CCSER1: variants seen among roughly 807,000 people sequenced by gnomAD.
CCSER1 encodes the protein coiled-coil serine rich protein 1.
CCSER1 carries 41 observed loss-of-function variants against 82.0 expected under a neutral mutation model. The ratio of observed to expected loss-of-function variants is 0.50; its 90% confidence interval spans 0.39 to 0.65. The LOEUF (loss-of-function observed/expected upper bound fraction) is 0.65. Among genes scored for constraint, CCSER1 ranks in the 30% least tolerant of loss-of-function variants. The pLI is 0.00. For missense variants in CCSER1, 1,119 were observed against 1,064.2 expected, an observed-to-expected ratio of 1.05 and a Z score of -0.72; for synonymous variants, 414 against 383.9, an observed-to-expected ratio of 1.08 and a Z score of -0.92.
intron 10 of CCSER1, among the ~76,000 whole-genome samples, chr4:91,564,706 T>G (rs1762801750): frequency 6.6e-6 from 1 of 152,060 alleles, no homozygotes; most frequent in Non-Finnish European, 1.5e-5. Flanking sequence ...AAGTGTTTGT[T>G]CATTTTCCCA....
chr4:91,333,710 A>G (rs1177493198), intron 10 of CCSER1, among the ~76,000 whole-genome samples: 1 of 152,110 alleles, frequency 6.6e-6, no homozygotes, highest in Non-Finnish European at 1.5e-5. Flanking sequence ...ATAATTAAAA[A>G]ATACAGTCTG....
chr4:90,931,748 G>T (rs1729848227), intron 9 of CCSER1, among the ~76,000 whole-genome samples: 1 of 152,120 alleles, frequency 6.6e-6, no homozygotes, highest in African/African-American at 2.4e-5. Flanking sequence ...CACAAAAAGG[G>T]ATAATATGTA....
intron 9 of CCSER1, among the ~76,000 whole-genome samples, chr4:90,949,485 A>G (rs1323958577): frequency 6.6e-6 from 1 of 152,070 alleles, no homozygotes; most frequent in Non-Finnish European, 1.5e-5. Context: ...TTTTGTTGTC[A>G]CTACAGTGAG....
chr4:90,553,271 A>T (rs571498847), intron 5 of CCSER1, among the ~76,000 whole-genome samples: 1 of 152,316 alleles, frequency 6.6e-6, no homozygotes, highest in South Asian at 2.1e-4. Context: ...CCTGGCCAAC[A>T]CTTTTTTTCA....
At chr4:90,911,718 TC>T (rs762474599) in intron 8 of CCSER1, among the ~76,000 whole-genome samples, 9 of 152,122 alleles carry the variant, frequency 5.9e-5, no homozygotes, top group Admixed American at 1.3e-4. Flanking sequence ...GTCTGGGAAT[TC>T]CCTTTCCTAC....
chr4:90,841,983 A>G (rs1379789206), intron 8 of CCSER1, among the ~76,000 whole-genome samples: 6 of 152,022 alleles, frequency 3.9e-5, no homozygotes, highest in East Asian at 1.9e-4. Context: ...CTGTCTTTTC[A>G]TATTTCCCTT....
intron 6 of CCSER1, among the ~76,000 whole-genome samples, chr4:90,672,273 T>C (rs1732937412): frequency 6.6e-6 from 1 of 152,180 alleles, no homozygotes; most frequent in East Asian, 1.9e-4. Flanking sequence ...CCTTTATCAA[T>C]TATCTTAGCT....
At chr4:91,104,742 C>T (rs1421322304) in intron 10 of CCSER1, among the ~76,000 whole-genome samples, 1 of 152,140 alleles carries the variant, frequency 6.6e-6, no homozygotes, top group East Asian at 1.9e-4. Context: ...TTAGTTTCTC[C>T]TCAAGCCTCC....
chr4:90,127,805 C>T lies in CCSER1; in HGVS notation c.-68C>T, dbSNP rs1175303624. The T allele has an allele frequency of 1.3e-5, 2 of 152,452 alleles. No homozygotes were observed. Among genetic ancestry groups the T allele is most frequent in the Admixed American group, 6.5e-5 (1 of 15,312 alleles). 9.4% of individuals were successfully genotyped at this position (152,452 alleles called of 1,614,324 possible). A position where few individuals can be genotyped will look rare whatever the true frequency, so the allele number is the denominator to read the frequency against. On this transcript the variant is annotated 5_prime_UTR_variant, in exon 1 of 11. Coordinates refer to ENST00000509176, the MANE Select transcript of CCSER1 (RefSeq NM_001145065.2). ...TAAATCCCTGAGTGCCCGGGAGGAGCCTTAACAAGCGCACGGAGCCCTCAA... is the reference window on the plus strand; with the variant it reads ...TAAATCCCTGAGTGCCCGGGAGGAGTCTTAACAAGCGCACGGAGCCCTCAA...
chr4:90,161,405 A>T (rs1473647554), intron 1 of CCSER1, among the ~76,000 whole-genome samples: 3 of 152,168 alleles, frequency 2.0e-5, no homozygotes, highest in African/African-American at 7.2e-5. Context: ...CATGTTGCAG[A>T]TGACGAAAAT....
intron 9 of CCSER1, among the ~76,000 whole-genome samples, chr4:91,053,893 G>C (rs1441668054): frequency 6.6e-6 from 1 of 152,192 alleles, no homozygotes; most frequent in Non-Finnish European, 1.5e-5. Context: ...TGGATGTGTA[G>C]TTTCTTGCAG....
Position 90,669,305 on chromosome 4 carries a change from A to G in CCSER1, c.1932+41073A>G, listed in dbSNP as rs1296712903. On this transcript the variant is annotated intron_variant, in intron 6 of 10. Transcript: ENST00000509176. ...AACTTATTAAAATATATGGTCTCAT[A>G]TTAATCTAAAATCTAGAGCTATGAG... Among the ~76,000 whole-genome samples, 3 of 152,178 alleles carry G rather than the reference A, an allele frequency of 2.0e-5. No individual in the cohort carries two copies. The East Asian group carries it at 5.8e-4, about 29-fold the overall frequency.
At chr4:91,003,762 TAA>T (rs907166201) in intron 9 of CCSER1, among the ~76,000 whole-genome samples, 1 of 151,888 alleles carries the variant, frequency 6.6e-6, no homozygotes, top group Non-Finnish European at 1.5e-5. Flanking sequence ...TTGAAATTGT[TAA>T]AAAAAAGTTC....
At chr4:91,259,970 A>G (rs935684136) in intron 10 of CCSER1, among the ~76,000 whole-genome samples, 5 of 152,194 alleles carry the variant, frequency 3.3e-5, no homozygotes, top group African/African-American at 4.8e-5. Flanking sequence ...AATCTGTTGC[A>G]ATAAGATTAA....
intron 10 of CCSER1, among the ~76,000 whole-genome samples, chr4:91,248,271 A>G (rs1161879122): frequency 6.6e-6 from 1 of 152,260 alleles, no homozygotes; most frequent in Non-Finnish European, 1.5e-5. Context: ...TTAGGTATTT[A>G]TCCCTCAAGG....
intron 9 of CCSER1, among the ~76,000 whole-genome samples, chr4:91,020,515 A>G (rs1326311747): frequency 6.6e-6 from 1 of 152,096 alleles, no homozygotes; most frequent in African/African-American, 2.4e-5. Context: ...ACAAAAAATT[A>G]GCCGGGTGTG....
At chr4:90,618,820 A>G (rs1721775014) in intron 5 of CCSER1, among the ~76,000 whole-genome samples, 1 of 151,946 alleles carries the variant, frequency 6.6e-6, no homozygotes. Flanking sequence ...AAATCACTTT[A>G]GACCTGGAGT....
intron 10 of CCSER1, among the ~76,000 whole-genome samples, chr4:91,160,212 A>G (rs570927537): frequency 3.3e-5 from 5 of 152,304 alleles, no homozygotes; most frequent in South Asian, 2.1e-4. Flanking sequence ...ATGTCCCTAC[A>G]AAGGACATGA....
At position 90,366,451 on chromosome 4, in the gene CCSER1, A is replaced by T. The variant is rs191163215; in HGVS notation, c.1510-33585A>T. Among the ~76,000 whole-genome samples the T allele has an allele frequency of 2.4e-4, 37 of 151,968 alleles. 1 individual carries two copies. The highest frequency in any genetic ancestry group is 2.3e-3 in the Admixed American group (35 of 15,254). On this transcript the variant is annotated intron_variant, in intron 3 of 10. Coordinates refer to ENST00000509176, the MANE Select transcript of CCSER1 (RefSeq NM_001145065.2). ...TAATTTATGAATACAGTGTGGAATA[A>T]TTAAGCCAGTTAATATATCCATCAC...
Sources: allele counts gnomAD v4.1 joint callset (sites outside exome capture counted in the v4.1 genomes callset), GRCh38; gene constraint gnomAD v4.1.1; transcripts MANE v1.5; gene names NCBI Gene and HGNC (gene_info 2026-07-23, HGNC 2026-07-21).